The following PTPRK variants were observed in gnomAD, a reference collection of about 807,000 sequenced individuals.
The protein encoded by PTPRK is receptor-type tyrosine-protein phosphatase kappa.
Under a neutral mutation model 178.0 loss-of-function variants are expected in PTPRK, and 75 were observed. The ratio of observed to expected loss-of-function variants is 0.42; its 90% CI spans 0.35 to 0.51. PTPRK has a LOEUF of 0.51. PTPRK is among the 20% of genes least tolerant of loss of function. The pLI is 0.02. For synonymous variants in PTPRK, 637 were observed against 620.6 expected (o/e 1.03, Z -0.39); for missense variants, 1,441 against 1,797.8 (o/e 0.80, Z 3.59).
intron 13 of PTPRK, among the ~76,000 whole-genome samples, chr6:128,022,888 A>G (rs918177245): frequency 6.6e-6 from 1 of 152,230 alleles, no homozygotes. Flanking sequence ...TGTGTTCTCT[A>G]TCAAGTTTAC....
In PTPRK at chr6:128,302,154, C is replaced by T. The variant is rs1181185602; in HGVS notation, c.495+19885G>A. 2.0e-5 allele frequency among the ~76,000 whole-genome samples: 3 copies of T among 151,752 alleles called. 1 individual carries two copies. The highest frequency in any genetic ancestry group is 2.0e-4 in the Admixed American group (3 of 15,232). The stretch of plus-strand genomic sequence containing the variant: ...CTGTAATCTCAACACTTTGGGAGGC[C>T]GGGGTGGGCGGATCACGAGGTCAGG... On this transcript the variant is annotated intron_variant, in intron 3 of 29. Transcript: ENST00000368226.
At position 128,443,162 on chromosome 6, in the gene PTPRK, CAG is replaced by C. The variant is rs1320892175; in HGVS notation, c.101-45476_101-45475del. Among the ~76,000 whole-genome samples, 3 of 151,700 alleles carry C rather than the reference CAG, an allele frequency of 2.0e-5. No individual in the cohort carries two copies. The East Asian group carries it at 5.8e-4, about 29-fold the overall frequency. ...GGAACACTGAGGTCATTCTGAAAAA[CAG>C]AATTTTCTTGGAATTTCACATGGTT... On this transcript the variant is annotated intron_variant, in intron 1 of 29. Coordinates refer to ENST00000368226, the MANE Select transcript of PTPRK (RefSeq NM_002844.4).
intron 12 of PTPRK, among the ~76,000 whole-genome samples, chr6:128,066,911 G>A (rs909387357): frequency 1.3e-5 from 2 of 152,126 alleles, no homozygotes; most frequent in African/African-American, 4.8e-5. Context: ...TCCAAAATGG[G>A]AAAAGGAGGG....
At chr6:128,273,358 T>TA (rs1344144654) in intron 3 of PTPRK, among the ~76,000 whole-genome samples, 4 of 151,096 alleles carry the variant, frequency 2.6e-5, no homozygotes, top group East Asian at 3.9e-4. Flanking sequence ...TAAAGTATAA[T>TA]AAAAAAAGAA....
chr6:128,375,235 T>C (rs1348395794), intron 2 of PTPRK, among the ~76,000 whole-genome samples: 4 of 151,820 alleles, frequency 2.6e-5, no homozygotes, highest in Non-Finnish European at 5.9e-5. Context: ...ATGCTGCTGA[T>C]AAAGACATAC....
intron 13 of PTPRK, among the ~76,000 whole-genome samples, chr6:128,052,974 A>G (rs562611718): frequency 6.6e-6 from 1 of 152,238 alleles, no homozygotes; most frequent in Admixed American, 6.5e-5. Context: ...TAATAATAAT[A>G]ATCTAGTTTC....
At chr6:128,235,013 G>C (rs1812967875) in intron 5 of PTPRK, among the ~76,000 whole-genome samples, 1 of 152,108 alleles carries the variant, frequency 6.6e-6, no homozygotes, top group African/African-American at 2.4e-5. Flanking sequence ...AGTGGAATTG[G>C]AATGTCCTTA....
At chr6:128,224,814 C>T (rs954715600) in intron 5 of PTPRK, among the ~76,000 whole-genome samples, 4 of 152,092 alleles carry the variant, frequency 2.6e-5, no homozygotes, top group Non-Finnish European at 5.9e-5. Flanking sequence ...CATGCCAAAA[C>T]CTGGAAGAGC....
At chr6:128,090,784 A>G (rs1445279029) in intron 7 of PTPRK, among the ~76,000 whole-genome samples, 3 of 152,154 alleles carry the variant, frequency 2.0e-5, no homozygotes, top group African/African-American at 7.2e-5. Flanking sequence ...AACTTAATCA[A>G]CGTAACTACT....
chr6:127,976,195 A>G lies in PTPRK; in HGVS notation c.3969+462T>C, dbSNP rs552942225. 2.0e-5 allele frequency among the ~76,000 whole-genome samples: 3 copies of G among 152,276 alleles called. No homozygotes were observed. The South Asian group carries it at 6.2e-4, about 32-fold the overall frequency. On this transcript the variant is annotated intron_variant, in intron 27 of 29. Coordinates refer to ENST00000368226, the MANE Select transcript of PTPRK (RefSeq NM_002844.4). ...TAGGATAATCAATAATGAACTTGGA[A>G]CAGTGACATGGAACCCTTCTATAAT...
chr6:128,125,597 CTTTTCTTT>C (rs577110705), intron 7 of PTPRK, among the ~76,000 whole-genome samples: 955 of 81,912 alleles, frequency 0.012, 15 homozygotes, highest in Non-Finnish European at 0.018. Context: ...TGCCTTTGGG[CTTTTCTTT>C]TTTTTTTTTT....
At chr6:128,178,851 TTC>T (rs1209248189) in intron 7 of PTPRK, among the ~76,000 whole-genome samples, 2 of 151,976 alleles carry the variant, frequency 1.3e-5, no homozygotes, top group Non-Finnish European at 1.5e-5. Flanking sequence ...CCATAATATA[TTC>T]TCTTTCTTTT....
intron 3 of PTPRK, among the ~76,000 whole-genome samples, chr6:128,296,667 C>T (rs1467829874): frequency 6.6e-6 from 1 of 151,404 alleles, no homozygotes; most frequent in East Asian, 1.9e-4. Context: ...TACAGACAAG[C>T]AAATGCTGAG....
chr6:128,429,793 A>G (rs991827825), intron 1 of PTPRK, among the ~76,000 whole-genome samples: 1 of 152,202 alleles, frequency 6.6e-6, no homozygotes, highest in Non-Finnish European at 1.5e-5. Context: ...GGTGTGCATT[A>G]TTAATTAGAT....
intron 13 of PTPRK, among the ~76,000 whole-genome samples, chr6:128,058,772 A>G (rs1015461874): frequency 6.6e-6 from 1 of 151,854 alleles, no homozygotes; most frequent in African/African-American, 2.4e-5. Flanking sequence ...TCAATCTTTG[A>G]CTATTGTAAC....
At chr6:128,212,368 A>C (rs1808357430) in intron 6 of PTPRK, among the ~76,000 whole-genome samples, 1 of 152,182 alleles carries the variant, frequency 6.6e-6, no homozygotes. Context: ...AGACTAAAAA[A>C]TCTTAGTTCA....
At chr6:127,992,032 T>C (rs1314199645) in intron 19 of PTPRK, among the ~76,000 whole-genome samples, 2 of 151,810 alleles carry the variant, frequency 1.3e-5, no homozygotes, top group Non-Finnish European at 3.0e-5. Context: ...GCTTTTGTTT[T>C]ACTTTCCTTT....
intron 13 of PTPRK, among the ~76,000 whole-genome samples, chr6:128,051,624 C>T (rs889809231): frequency 3.3e-5 from 5 of 152,120 alleles, no homozygotes; most frequent in East Asian, 3.9e-4. Context: ...TCTTTCGATC[C>T]GGTTGCTTCT....
chr6:128,035,099 C>T (rs567920852), intron 13 of PTPRK, among the ~76,000 whole-genome samples: 36 of 152,246 alleles, frequency 2.4e-4, no homozygotes, highest in Middle Eastern at 3.4e-3. Flanking sequence ...TGGCTGGGCA[C>T]GGTGGCTCAA....
Sources: gnomAD v4.1 joint callset for allele counts (sites outside exome capture counted in the v4.1 genomes callset) on GRCh38, gnomAD v4.1.1 for gene constraint, MANE v1.5 for transcripts, NCBI Gene and HGNC (gene_info 2026-07-23, HGNC 2026-07-21) for gene names.